Variants in KSR2 observed in about 807,000 individuals in gnomAD.
The protein encoded by KSR2 is kinase suppressor of ras 2.
Under a neutral mutation model 107.8 loss-of-function variants are expected in KSR2, and 25 were observed. That is an observed-to-expected ratio of 0.23 (90% CI 0.17 to 0.32). The LOEUF is 0.32. Among genes scored for constraint, KSR2 ranks in the 10% least tolerant of loss-of-function variants. KSR2 has a pLI of 1.00. For synonymous variants in KSR2, 480 were observed against 507.0 expected (o/e 0.95, Z 0.71); for missense variants, 887 against 1,268.9 (o/e 0.70, Z 4.57).
At chr12:117,608,909 G>T (rs1421426330) in intron 5 of KSR2, among the ~76,000 whole-genome samples, 4 of 152,052 alleles carry the variant, frequency 2.6e-5, no homozygotes, top group South Asian at 2.1e-4. Context: ...CAGTTGGGGG[G>T]TAATAGCTCA....
At chr12:117,796,220 C>A (rs1890623252) in intron 3 of KSR2, among the ~76,000 whole-genome samples, 1 of 152,184 alleles carries the variant, frequency 6.6e-6, no homozygotes, top group Admixed American at 6.5e-5. Context: ...CGGAAGCCAC[C>A]ATGCCCAGCT....
intron 1 of KSR2, among the ~76,000 whole-genome samples, chr12:117,871,890 C>T (rs1893665893): frequency 6.6e-6 from 1 of 152,050 alleles, no homozygotes; most frequent in Non-Finnish European, 1.5e-5. Flanking sequence ...CTCCTGGCTT[C>T]AAGCAATCCT....
intron 19 of KSR2, chr12:117,467,733 C>T (rs992524670): frequency 4.9e-6 from 2 of 406,706 alleles, no homozygotes; most frequent in Non-Finnish European, 9.5e-6. Flanking sequence ...TTGATGTCCA[C>T]TGCAGCAAAA....
chr12:117,744,431 GT>G (rs771896478), intron 4 of KSR2, among the ~76,000 whole-genome samples: 4 of 152,154 alleles, frequency 2.6e-5, no homozygotes, highest in Non-Finnish European at 5.9e-5. Context: ...CTGTTGGCTG[GT>G]AGACATAAGC....
At chr12:117,574,331 T>G (rs1376895982) in intron 7 of KSR2, among the ~76,000 whole-genome samples, 2 of 152,176 alleles carry the variant, frequency 1.3e-5, no homozygotes, top group East Asian at 3.9e-4. Context: ...CAAACTTTAA[T>G]GTGCAAAAGA....
At chr12:117,720,148 T>C (rs1887149769) in intron 4 of KSR2, among the ~76,000 whole-genome samples, 1 of 152,214 alleles carries the variant, frequency 6.6e-6, no homozygotes. Context: ...TTTCTATAGA[T>C]GGTTCATCCC....
intron 5 of KSR2, among the ~76,000 whole-genome samples, chr12:117,627,503 T>G (rs1227214410): frequency 2.6e-5 from 4 of 152,228 alleles, no homozygotes; most frequent in Non-Finnish European, 5.9e-5. Context: ...GAAAATTCTT[T>G]TCTTTAAGAA....
At chr12:117,607,906 C>G (rs1881383053) in intron 5 of KSR2, among the ~76,000 whole-genome samples, 1 of 152,146 alleles carries the variant, frequency 6.6e-6, no homozygotes, top group African/African-American at 2.4e-5. Context: ...GTCCCCAGTG[C>G]CACTGAAGCG....
intron 1 of KSR2, among the ~76,000 whole-genome samples, chr12:117,861,348 G>T (rs1276717155): frequency 1.4e-5 from 2 of 141,304 alleles, no homozygotes; most frequent in African/African-American, 2.6e-5. Flanking sequence ...TGTAAATACA[G>T]AAACTCTGTC....
At chr12:117,690,491 G>C (rs1885769076) in intron 4 of KSR2, among the ~76,000 whole-genome samples, 1 of 150,878 alleles carries the variant, frequency 6.6e-6, no homozygotes, top group East Asian at 2.0e-4. Context: ...CTTAAACCTG[G>C]GAGGCGGAGG....
intron 3 of KSR2, among the ~76,000 whole-genome samples, chr12:117,784,714 T>TA (rs2084818619): frequency 6.6e-6 from 1 of 152,136 alleles, no homozygotes; most frequent in African/African-American, 2.4e-5. Context: ...GACAAGAGGC[T>TA]AAAACTCTAA....
chr12:117,728,713 T>A (rs1322184031), intron 4 of KSR2, among the ~76,000 whole-genome samples: 1 of 152,170 alleles, frequency 6.6e-6, no homozygotes, highest in Non-Finnish European at 1.5e-5. Flanking sequence ...TCATCTCAGG[T>A]GATGCAGGGG....
chr12:117,697,841 T>C (rs56306289), intron 4 of KSR2, among the ~76,000 whole-genome samples: 38,838 of 151,570 alleles, frequency 0.26, 5,154 homozygotes, highest in East Asian at 0.33. Context: ...TATCAAAGAA[T>C]GTAATATGAT....
At chr12:117,521,506 C>T (rs547772829) in intron 14 of KSR2, among the ~76,000 whole-genome samples, 24 of 152,298 alleles carry the variant, frequency 1.6e-4, no homozygotes, top group Middle Eastern at 3.4e-3. Context: ...CCCATAACGA[C>T]CCAATTGTGA....
chr12:117,551,276 T>C (rs1877289410), intron 9 of KSR2, among the ~76,000 whole-genome samples: 1 of 152,028 alleles, frequency 6.6e-6, no homozygotes, highest in African/African-American at 2.4e-5. Context: ...CTCTTCCTCC[T>C]TCCTTTCCTC....
At chr12:117,568,993 C>A (rs945653453) in intron 7 of KSR2, among the ~76,000 whole-genome samples, 1 of 152,136 alleles carries the variant, frequency 6.6e-6, no homozygotes, top group African/African-American at 2.4e-5. Flanking sequence ...TACAAACTCC[C>A]AAAGCTTCCA....
At chr12:117,762,285 A>C (rs748949781) in intron 3 of KSR2, among the ~76,000 whole-genome samples, 1 of 152,246 alleles carries the variant, frequency 6.6e-6, no homozygotes, top group Non-Finnish European at 1.5e-5. Context: ...AATTCCAAGG[A>C]AGTCAAGTTC....
chr12:117,647,220 G>A (rs56904629), intron 5 of KSR2, among the ~76,000 whole-genome samples: 7,519 of 152,208 alleles, frequency 0.049, 349 homozygotes, highest in East Asian at 0.16. Context: ...AGTGAAGGGC[G>A]AAGAAGCTAA....
At position 117,761,080 on chromosome 12, in the gene KSR2, G is replaced by T; in HGVS notation, c.917C>A (p.Thr306Asn). 1 of 1,613,820 alleles carries T rather than the reference G, an allele frequency of 6.2e-7. No individual in the cohort carries two copies. Among genetic ancestry groups the T allele is most frequent in the Non-Finnish European group, 8.5e-7 (1 of 1,179,770 alleles). Residue 306 changes from threonine (T) to asparagine (N), a missense_variant, in exon 4 of 20, where the codon ACC becomes AAC. Thr to Asn is a moderately conservative substitution (Grantham distance 65, BLOSUM62 0). Around this residue, in one of 8 missense-constraint regions of KSR2, gnomAD observed 399 missense variants for 479.5 expected, o/e 0.83. Transcript: ENST00000339824. ...GTGGGATTTGCTCCGATGCAGCGCGGTGAATCCCGGGATCAAGTGTATCAG... is the reference window on the plus strand; with the variant it reads ...GTGGGATTTGCTCCGATGCAGCGCGTTGAATCCCGGGATCAAGTGTATCAG... The part of the protein sequence containing the change: ...RKLIHLIPGF[T>N]ALHRSKSHEF...
Sources: gnomAD v4.1 joint callset for allele counts (sites outside exome capture counted in the v4.1 genomes callset) on GRCh38, gnomAD v4.1.1 for gene constraint, gnomAD v4.1.1 regional missense constraint, MANE v1.5 for transcripts, NCBI Gene and HGNC (gene_info 2026-07-23, HGNC 2026-07-21) for gene names.